Variants in NRG1 observed in about 807,000 individuals in gnomAD.
NRG1 encodes the protein neuregulin 1.
Under a neutral mutation model 63.8 loss-of-function variants are expected in NRG1, and 18 were observed. The ratio of observed to expected loss-of-function variants is 0.28; its 90% CI spans 0.19 to 0.42. NRG1 has a LOEUF of 0.42. Ranked by LOEUF, NRG1 falls within the 10% of genes least tolerant of loss-of-function variation. NRG1 has a pLI of 1.00. For synonymous variants in NRG1, 302 were observed against 301.3 expected (o/e 1.00, Z -0.02); for missense variants, 762 against 814.7 (o/e 0.94, Z 0.79).
intron 1 of NRG1, among the ~76,000 whole-genome samples, chr8:32,070,971 C>T (rs1048104471): frequency 2.8e-4 from 43 of 152,306 alleles, no homozygotes; most frequent in African/African-American, 9.4e-4. Flanking sequence ...GTTTCCAGCA[C>T]GCACCAAGCT....
At chr8:32,700,390 C>T (rs58029341) in intron 5 of NRG1, among the ~76,000 whole-genome samples, 2,958 of 152,104 alleles carry the variant, frequency 0.019, 97 homozygotes, top group African/African-American at 0.068. Flanking sequence ...ACAAAAAAAT[C>T]AAATGATCCA....
chr8:32,762,234 A>G (rs539484228), intron 11 of NRG1, among the ~76,000 whole-genome samples: 1 of 152,080 alleles, frequency 6.6e-6, no homozygotes, highest in Non-Finnish European at 1.5e-5. Flanking sequence ...TATTTTTTTA[A>G]TGTATTAAGG....
chr8:32,117,279 G>A (rs116059980), intron 1 of NRG1, among the ~76,000 whole-genome samples: 62 of 152,224 alleles, frequency 4.1e-4, no homozygotes, highest in African/African-American at 9.6e-4. Context: ...ACTATTTCAC[G>A]CAGATATTTG....
chr8:32,247,240 A>C (rs2129470057), intron 1 of NRG1, among the ~76,000 whole-genome samples: 1 of 152,224 alleles, frequency 6.6e-6, no homozygotes, highest in Non-Finnish European at 1.5e-5. Flanking sequence ...TAACAGGGCA[A>C]AGTGACATCG....
At chr8:31,764,441 T>A (rs1042351287) in intron 1 of NRG1, among the ~76,000 whole-genome samples, 9 of 152,146 alleles carry the variant, frequency 5.9e-5, no homozygotes. Context: ...ACTATTCCTA[T>A]AATTATGTGA....
At chr8:32,139,346 A>G (rs1835950974) in intron 1 of NRG1, 1 of 152,334 alleles carries the variant, frequency 6.6e-6, no homozygotes, top group African/African-American at 2.4e-5. Flanking sequence ...GTAACTGACA[A>G]AGAATGGAAT....
At chr8:32,687,882 C>T (rs1810587336) in intron 5 of NRG1, among the ~76,000 whole-genome samples, 1 of 152,064 alleles carries the variant, frequency 6.6e-6, no homozygotes, top group Non-Finnish European at 1.5e-5. Flanking sequence ...CCTATAATCC[C>T]AGCATTTTCA....
rs117714732 is a variant in NRG1 at position 32,372,052 on chromosome 8, G to A, written c.38-223776G>A. Reference sequence around the variant, plus strand: ...CACCCAGGCTGGAGTGCAATTGTGCGATCATGACTGACTGTGGTGTCAACC... The same window carrying A: ...CACCCAGGCTGGAGTGCAATTGTGCAATCATGACTGACTGTGGTGTCAACC... On this transcript the variant is annotated intron_variant, in intron 1 of 10. Coordinates refer to the NRG1 transcript ENST00000519301. Among the ~76,000 whole-genome samples the A allele has an allele frequency of 9.1e-4, 125 of 137,258 alleles. 1 individual carries two copies. In the East Asian group the frequency reaches 0.024, roughly 26 times the overall value. The allele number at this position is 137,258 out of a possible 152,430, so 90.0% of individuals were successfully genotyped here. A position where few individuals can be genotyped will look rare whatever the true frequency, so the allele number is the denominator to read the frequency against.
chr8:31,812,756 C>T (rs560117950), intron 1 of NRG1, among the ~76,000 whole-genome samples: 1 of 151,132 alleles, frequency 6.6e-6, no homozygotes, highest in Non-Finnish European at 1.5e-5. Flanking sequence ...TTTGGGTTAT[C>T]CATTTAAGCT....
chr8:31,770,584 A>G (rs1016310474), intron 1 of NRG1, among the ~76,000 whole-genome samples: 1 of 140,718 alleles, frequency 7.1e-6, no homozygotes, highest in African/African-American at 2.6e-5. Flanking sequence ...ACTTGGACAC[A>G]GGAAGGGGAA....
chr8:31,989,131 C>T (rs1369072405), intron 1 of NRG1, among the ~76,000 whole-genome samples: 1 of 151,104 alleles, frequency 6.6e-6, no homozygotes, highest in Non-Finnish European at 1.5e-5. Flanking sequence ...CGCCTGTAGT[C>T]CCAGACTCAG....
At chr8:32,620,594 G>A (rs78949945) in intron 5 of NRG1, among the ~76,000 whole-genome samples, 2,024 of 151,944 alleles carry the variant, frequency 0.013, 48 homozygotes, top group African/African-American at 0.046. Flanking sequence ...AGGCCAAAGA[G>A]GGAGGATAGC....
At chr8:32,673,871 C>G (rs889773860) in intron 5 of NRG1, among the ~76,000 whole-genome samples, 1 of 152,194 alleles carries the variant, frequency 6.6e-6, no homozygotes, top group African/African-American at 2.4e-5. Context: ...GTAGGGTACA[C>G]ATGAAACCTT....
At chr8:32,436,547 T>C (rs563113772) in intron 1 of NRG1, among the ~76,000 whole-genome samples, 12 of 152,328 alleles carry the variant, frequency 7.9e-5, no homozygotes, top group African/African-American at 2.9e-4. Context: ...TTCAGATTTA[T>C]CCTTTCCTAC....
chr8:32,242,526 G>A (rs1848208357), intron 1 of NRG1, among the ~76,000 whole-genome samples: 1 of 152,158 alleles, frequency 6.6e-6, no homozygotes, highest in African/African-American at 2.4e-5. Flanking sequence ...AATTAGTGCA[G>A]TGTCTGACAC....
chr8:32,446,932 G>A (rs1409489266), intron 1 of NRG1, among the ~76,000 whole-genome samples: 2 of 152,062 alleles, frequency 1.3e-5, no homozygotes, highest in Admixed American at 6.6e-5. Flanking sequence ...TAGCCATGGG[G>A]AAAAATATGG....
chr8:32,595,948 G>A, exon 2 of NRG1: 1 of 1,613,506 alleles, frequency 6.2e-7, no homozygotes, highest in Non-Finnish European at 8.5e-7. Flanking sequence ...TTCAAGAATG[G>A]GAATGAATTG....
intron 1 of NRG1, among the ~76,000 whole-genome samples, chr8:31,942,386 T>G (rs549320541): frequency 6.6e-6 from 1 of 152,032 alleles, no homozygotes; most frequent in Non-Finnish European, 1.5e-5. Flanking sequence ...AAAAATCAAC[T>G]CAAGATGGAT....
chr8:32,129,212 C>T (rs966946855), intron 1 of NRG1, among the ~76,000 whole-genome samples: 1 of 151,862 alleles, frequency 6.6e-6, no homozygotes, highest in African/African-American at 2.4e-5. Flanking sequence ...AATTAGATGG[C>T]ATATTCATTT....
Sources: allele counts gnomAD v4.1 joint callset (sites outside exome capture counted in the v4.1 genomes callset), GRCh38; gene constraint gnomAD v4.1.1; transcripts MANE v1.5; gene names NCBI Gene and HGNC (gene_info 2026-07-23, HGNC 2026-07-21).